CES5A: variants seen among roughly 807,000 people sequenced by gnomAD.
The protein encoded by CES5A is carboxylesterase 5.
A neutral mutation model predicts 62.9 loss-of-function variants in CES5A; 67 were observed. The ratio of observed to expected loss-of-function variants is 1.07; its 90% CI spans 0.88 to 1.31. The LOEUF is 1.31. CES5A is among the 50% of genes most tolerant of loss of function. The probability of loss-of-function intolerance (pLI) is 0.00; values close to 1 mark genes in which losing one functional copy is unlikely to be tolerated. For synonymous variants in CES5A, 296 were observed against 280.8 expected, an observed-to-expected ratio of 1.05 and a Z score of -0.54; for missense variants, 748 against 708.5, an observed-to-expected ratio of 1.06 and a Z score of -0.63.
intron 1 of CES5A, among the ~76,000 whole-genome samples, chr16:55,892,724 C>CA (rs200542015): frequency 0.02 from 2,927 of 147,532 alleles, 101 homozygotes; most frequent in African/African-American, 0.068. Context: ...ACAACAACAA[C>CA]AAAAAAAAAT....
chr16:55,870,615 T>C (rs4784599), intron 3 of CES5A, among the ~76,000 whole-genome samples: 29,614 of 151,676 alleles, frequency 0.2, 3,016 homozygotes, highest in East Asian at 0.34. Flanking sequence ...CAGGAATCCC[T>C]TGAGCCCGGA....
intron 1 of CES5A, among the ~76,000 whole-genome samples, chr16:55,906,107 T>C (rs2034038163): frequency 1.3e-5 from 2 of 152,100 alleles, no homozygotes; most frequent in South Asian, 2.1e-4. Flanking sequence ...AGCCTCAAAC[T>C]GGACAAGCAG....
At chr16:55,892,126 C>T (rs569087923) in intron 1 of CES5A, among the ~76,000 whole-genome samples, 1 of 152,290 alleles carries the variant, frequency 6.6e-6, no homozygotes, top group Admixed American at 6.5e-5. Flanking sequence ...TCAAAAGAAA[C>T]TTGGTCTCCA....
intron 8 of CES5A, among the ~76,000 whole-genome samples, chr16:55,857,286 G>A (rs1354691590): frequency 2.0e-5 from 3 of 152,192 alleles, no homozygotes; most frequent in African/African-American, 4.8e-5. Context: ...AGAACTGAGC[G>A]AGTTGATATT....
chr16:55,907,353 G>A (rs1470195225), intron 1 of CES5A, among the ~76,000 whole-genome samples: 1 of 152,236 alleles, frequency 6.6e-6, no homozygotes, highest in Non-Finnish European at 1.5e-5. Flanking sequence ...TGCTTTGTCA[G>A]AAAGGGAAAT....
At chr16:55,848,057 T>C (rs544526217) in intron 11 of CES5A, among the ~76,000 whole-genome samples, 1 of 152,234 alleles carries the variant, frequency 6.6e-6, no homozygotes, top group East Asian at 1.9e-4. Context: ...ATTATAGGCA[T>C]GAGCCACCAC....
intron 2 of CES5A, among the ~76,000 whole-genome samples, chr16:55,872,866 CT>C (rs2033620208): frequency 1.3e-5 from 2 of 152,198 alleles, no homozygotes; most frequent in East Asian, 3.8e-4. Flanking sequence ...ACCATCACCC[CT>C]CTCCATGCTC....
Position 55,865,961 on chromosome 16 carries a change from A to G in CES5A, c.705+2T>C. On this transcript the variant is annotated splice_donor_variant, in intron 5 of 12. Transcript: ENST00000290567. LOFTEE classifies it high-confidence loss of function. Reference sequence around the variant, plus strand: ...ATTCAAACCACAAAGCAGAGAACTCACAAGACTAGAAACACTTATGGCTCC... The same window carrying G: ...ATTCAAACCACAAAGCAGAGAACTCGCAAGACTAGAAACACTTATGGCTCC... 1 of 1,614,176 alleles carries G rather than the reference A, an allele frequency of 6.2e-7. No homozygotes were observed. The highest frequency in any genetic ancestry group is 8.5e-7 in the Non-Finnish European group (1 of 1,180,010).
chr16:55,854,049 C>T (rs1186885131), intron 9 of CES5A, among the ~76,000 whole-genome samples: 1 of 152,116 alleles, frequency 6.6e-6, no homozygotes, highest in Non-Finnish European at 1.5e-5. Context: ...GTATAAGGGC[C>T]TGGCCTCTTT....
Position 55,863,309 on chromosome 16 carries a change from G to T in CES5A, c.810+39C>A, listed in dbSNP as rs778854279. ...TGCCTGACCACATTCTCTGCTAACT[G>T]AGGAGAGGAAGGTGGCAAGGTGTTA... On this transcript the variant is annotated intron_variant, in intron 6 of 12. Transcript: ENST00000290567. The T allele has an allele frequency of 2.8e-6, 3 of 1,064,122 alleles. No individual in the cohort carries two copies. The South Asian group carries it at 3.7e-5, about 13-fold the overall frequency. The allele number at this position is 1,064,122 out of a possible 1,614,324, so 65.9% of individuals were successfully genotyped here.
rs377334954 is a variant in CES5A, at chr16:55,861,536, C to T, written c.811-20G>A. ...CTGCAGCTATTTTGTAGAGAAGGAC[C>T]GGGTTAGAGCATGATATTGAAAGCA... On this transcript the variant is annotated intron_variant, in intron 6 of 12. Transcript: ENST00000290567. The T allele has an allele frequency of 4.3e-5, 65 of 1,528,542 alleles. No homozygotes were observed. The highest frequency in any genetic ancestry group is 8.2e-5 in the African/African-American group (6 of 73,360). The allele number at this position is 1,528,542 out of a possible 1,614,324, so 94.7% of individuals were successfully genotyped here.
Position 55,908,438 on chromosome 16 carries a change from G to A in CES5A, c.-256+16885C>T, listed in dbSNP as rs923172686. ...GCAATGGTTGCAATCTTGGCTCACC[G>A]CAACCTCCACTTCCTGGGTTCAAGG... On this transcript the variant is annotated intron_variant, in intron 1 of 12. Transcript: ENST00000518005. Among the ~76,000 whole-genome samples the A allele has an allele frequency of 2.2e-4, 33 of 152,192 alleles. No homozygotes were observed. In the South Asian group the frequency reaches 4.1e-3, roughly 19 times the overall value.
chr16:55,947,067 G>A (rs540895670), intron 2 of CES5A, among the ~76,000 whole-genome samples: 2 of 152,346 alleles, frequency 1.3e-5, no homozygotes, highest in South Asian at 2.1e-4. Flanking sequence ...AAAATGGAAA[G>A]AGAGCCAAGT....
At chr16:55,900,900 A>C (rs1203748155) in intron 1 of CES5A, among the ~76,000 whole-genome samples, 1 of 152,184 alleles carries the variant, frequency 6.6e-6, no homozygotes. Flanking sequence ...GGAAGTGCTT[A>C]TCCCATCCCA....
chr16:55,868,492 C>G (rs553410779), intron 4 of CES5A, among the ~76,000 whole-genome samples: 54 of 152,324 alleles, frequency 3.5e-4, no homozygotes, highest in African/African-American at 1.1e-3. Flanking sequence ...AATGTCACCC[C>G]TCTCTGAAGC....
intron 1 of CES5A, among the ~76,000 whole-genome samples, chr16:55,952,753 T>C (rs1407439557): frequency 6.6e-6 from 1 of 152,220 alleles, no homozygotes; most frequent in African/African-American, 2.4e-5. Flanking sequence ...AATAATCATA[T>C]AAAAATTAAA....
intron 2 of CES5A, among the ~76,000 whole-genome samples, chr16:55,931,960 G>T (rs1334828259): frequency 6.6e-6 from 1 of 152,252 alleles, no homozygotes; most frequent in Admixed American, 6.5e-5. Flanking sequence ...CACCAATGTC[G>T]CATTATGAAG....
chr16:55,935,193 T>A (rs2034359804), intron 2 of CES5A, among the ~76,000 whole-genome samples: 5 of 152,238 alleles, frequency 3.3e-5, no homozygotes, highest in Admixed American at 2.0e-4. Context: ...TCCACCCGCC[T>A]TGGCCTCCCA....
At chr16:55,951,712 C>A (rs1429982831) in intron 1 of CES5A, among the ~76,000 whole-genome samples, 1 of 152,132 alleles carries the variant, frequency 6.6e-6, no homozygotes, top group African/African-American at 2.4e-5. Context: ...GATGGAGTAT[C>A]CATGTTGATA....
Sources: gnomAD v4.1 joint callset for allele counts (sites outside exome capture counted in the v4.1 genomes callset) on GRCh38, gnomAD v4.1.1 for gene constraint, MANE v1.5 for transcripts, NCBI Gene and HGNC (gene_info 2026-07-23, HGNC 2026-07-21) for gene names.